The following TSC22D4 variants were observed in gnomAD, a reference collection of about 807,000 sequenced individuals.
TSC22D4 encodes TSC22 domain family protein 4.
A neutral mutation model predicts 24.9 loss-of-function variants in TSC22D4; 5 were observed. The ratio of observed to expected loss-of-function variants is 0.20; its 90% CI spans 0.10 to 0.42. The LOEUF (loss-of-function observed/expected upper bound fraction) is 0.42. Among genes scored for constraint, TSC22D4 ranks in the 10% least tolerant of loss-of-function variants. The pLI, the probability that TSC22D4 is intolerant of heterozygous loss-of-function variation, is 1.00. For synonymous variants in TSC22D4, 245 were observed against 243.2 expected, an observed-to-expected ratio of 1.01 and a Z score of -0.07; for missense variants, 469 against 547.9, an observed-to-expected ratio of 0.86 and a Z score of 1.44.
Position 100,466,888 on chromosome 7 carries a change from A to G in TSC22D4, c.*71T>C. 2 of 1,405,738 alleles carry G rather than the reference A, an allele frequency of 1.4e-6. No individual in the cohort carries two copies. The highest frequency in any genetic ancestry group is 1.4e-5 in the South Asian group (1 of 69,920). 87.1% of individuals were successfully genotyped at this position (1,405,738 alleles called of 1,614,324 possible). ...GGGGACACGGGGACATTAAAGCTGC[A>G]TAGGAAGAGGGGGCAGGCGGCTGAC... On this transcript the variant is annotated 3_prime_UTR_variant, in exon 5 of 5. Coordinates refer to ENST00000300181, the MANE Select transcript of TSC22D4 (RefSeq NM_030935.5).
intron 3 of TSC22D4, among the ~76,000 whole-genome samples, chr7:100,468,964 G>A (rs1383175798): frequency 2.0e-5 from 3 of 148,240 alleles, no homozygotes; most frequent in Non-Finnish European, 3.0e-5. Flanking sequence ...GGTGGCTCAC[G>A]CTTGTAATCC....
At chr7:100,473,310 C>T in intron 3 of TSC22D4, among the ~76,000 whole-genome samples, 1 of 152,132 alleles carries the variant, frequency 6.6e-6, no homozygotes, top group East Asian at 1.9e-4. Flanking sequence ...ATCTTAGGAT[C>T]CTAAAGTAGA....
intron 3 of TSC22D4, among the ~76,000 whole-genome samples, chr7:100,471,764 C>CA (rs960687547): frequency 1.5e-4 from 22 of 150,704 alleles, no homozygotes; most frequent in African/African-American, 2.4e-4. Context: ...AAAAACAAAA[C>CA]AAAAAAAAAC....
At chr7:100,472,181 T>G (rs1584349138) in intron 3 of TSC22D4, among the ~76,000 whole-genome samples, 1 of 151,652 alleles carries the variant, frequency 6.6e-6, no homozygotes, top group Non-Finnish European at 1.5e-5. Context: ...AAGAGAGAGG[T>G]CCCAGGCCAC....
Position 100,466,931 on chromosome 7 carries a change from C to A in TSC22D4, c.*28G>T. ...CGGCTGACGCAAGGCCGGGCAGCCCCAAAGGCACATTGTAAGGGAAGGGAG... is the reference window on the plus strand; with the variant it reads ...CGGCTGACGCAAGGCCGGGCAGCCCAAAAGGCACATTGTAAGGGAAGGGAG... On this transcript the variant is annotated 3_prime_UTR_variant, in exon 5 of 5. Transcript: ENST00000300181. The A allele has an allele frequency of 1.3e-6, 2 of 1,516,524 alleles. No individual in the cohort carries two copies. The highest frequency in any genetic ancestry group is 4.2e-5 in the Admixed American group (2 of 47,068). 93.9% of individuals were successfully genotyped at this position (1,516,524 alleles called of 1,614,324 possible). A position where few individuals can be genotyped will look rare whatever the true frequency, so the allele number is the denominator to read the frequency against.
At chr7:100,468,326 G>C (rs1563179678) in intron 3 of TSC22D4, among the ~76,000 whole-genome samples, 1 of 152,166 alleles carries the variant, frequency 6.6e-6, no homozygotes, top group Non-Finnish European at 1.5e-5. Context: ...GCCTGGGTCT[G>C]AGCGGGGAGT....
chr7:100,471,307 A>G (rs886545294), intron 3 of TSC22D4, among the ~76,000 whole-genome samples: 1 of 152,182 alleles, frequency 6.6e-6, no homozygotes, highest in African/African-American at 2.4e-5. Flanking sequence ...AGGATATTGT[A>G]GACCATTGCC....
Position 100,477,338 on chromosome 7 carries a change from C to T in TSC22D4, c.701G>A (p.Arg234Gln), listed in dbSNP as rs199511828. The part of the protein sequence containing the change: ...GSGARTPPLS[R>Q]RKAVDMRLRM... The stretch of plus-strand genomic sequence containing the variant: ...CAGCCGCATGTCTACAGCTTTCCTC[C>T]GGGACAGTGGAGGGGTCCTGGCCCC... The change falls in exon 2 of 5, where the codon CGG becomes CAG. Residue 234 changes from arginine (R) to glutamine (Q), a missense_variant. Arg to Gln is a conservative substitution (Grantham distance 43). Transcript: ENST00000300181. The surrounding 1 kb of genome is among the most constrained non-coding windows in gnomAD (Gnocchi z 7.8). 1.5e-5 allele frequency: 23 copies of T among 1,550,038 alleles called. No individual in the cohort carries two copies. The highest frequency in any genetic ancestry group is 7.3e-5 in the South Asian group (6 of 82,370).
intron 4 of TSC22D4, 146 bp from the exon 5 acceptor site, chr7:100,467,314 A>T: frequency 2.1e-6 from 2 of 947,166 alleles, no homozygotes. Context: ...AGGACGAGGG[A>T]CAGAGGCAGA....
Position 100,478,119 on chromosome 7 carries a change from G to A in TSC22D4, c.-81C>T. 1 of 1,245,112 alleles carries A rather than the reference G, an allele frequency of 8.0e-7. No homozygotes were observed. Among genetic ancestry groups the A allele is most frequent in the Non-Finnish European group, 1.1e-6 (1 of 911,774 alleles). The allele number at this position is 1,245,112 out of a possible 1,614,324, so 77.1% of individuals were successfully genotyped here. A position where few individuals can be genotyped will look rare whatever the true frequency, so the allele number is the denominator to read the frequency against. ...GGGGCTCAGGCACCCCTGGAACAAG[G>A]GGGCCACATGGCGGGGACATCCGAG... On this transcript the variant is annotated 5_prime_UTR_variant, in exon 2 of 5. Coordinates refer to ENST00000300181, the MANE Select transcript of TSC22D4 (RefSeq NM_030935.5).
Position 100,478,049 on chromosome 7 carries a change from G to A in TSC22D4, c.-11C>T, listed in dbSNP as rs1223225740. On this transcript the variant is annotated 5_prime_UTR_variant, in exon 2 of 5. Coordinates refer to ENST00000300181, the MANE Select transcript of TSC22D4 (RefSeq NM_030935.5). ...CTTGCCCCCGCTCATGGTCCCTGGG[G>A]CTCAGGGCTGGGCCAAGGTTGGGGG... 6.3e-7 allele frequency: 1 copy of A among 1,586,800 alleles called. No individual in the cohort carries two copies. The highest frequency in any genetic ancestry group is 1.2e-5 in the South Asian group (1 of 86,778).
intron 3 of TSC22D4, among the ~76,000 whole-genome samples, chr7:100,469,423 G>GCGA (rs1466494182): frequency 6.6e-6 from 1 of 152,050 alleles, no homozygotes; most frequent in African/African-American, 2.4e-5. Flanking sequence ...CCACCAGAGG[G>GCGA]CGACTCAGGC....
chr7:100,473,236 G>A (rs575474878), intron 3 of TSC22D4, among the ~76,000 whole-genome samples: 14 of 152,174 alleles, frequency 9.2e-5, no homozygotes, highest in African/African-American at 1.4e-4. Flanking sequence ...CCCCTTTGCC[G>A]TTCCTAGCTC....
In TSC22D4 at chr7:100,478,063, C is replaced by T; in HGVS notation, c.-25G>A. On this transcript the variant is annotated 5_prime_UTR_variant, in exon 2 of 5. An upstream open reading frame in the 5' UTR gains an earlier in-frame stop. Transcript: ENST00000300181. ...TGGTCCCTGGGGCTCAGGGCTGGGC[C>T]AAGGTTGGGGGTGGGTTGGGGCTCC... 1.3e-6 allele frequency: 2 copies of T among 1,544,662 alleles called. No homozygotes were observed. Among genetic ancestry groups the T allele is most frequent in the South Asian group, 2.4e-5 (2 of 84,924 alleles).
At position 100,477,204 on chromosome 7, in the gene TSC22D4, G is replaced by T. The variant is rs879520167; in HGVS notation, c.762+73C>A. The T allele has an allele frequency of 5.1e-6, 6 of 1,176,846 alleles. No homozygotes were observed. Among genetic ancestry groups the T allele is most frequent in the Non-Finnish European group, 5.7e-6 (5 of 882,312 alleles). The allele number at this position is 1,176,846 out of a possible 1,614,324, so 72.9% of individuals were successfully genotyped here. ...TGGAGAAGGAGGAGGAGAGGGGGGG[G>T]AGGAGGAGGAAGGAGGCTCAAGATA... On this transcript the variant is annotated intron_variant, in intron 2 of 4. Coordinates refer to ENST00000300181, the MANE Select transcript of TSC22D4 (RefSeq NM_030935.5). This position sits in a 1 kb window ranked among gnomAD's most constrained non-coding sequence, Gnocchi z 7.8.
Position 100,477,268 on chromosome 7 carries a change from AGG to A in TSC22D4, c.762+7_762+8del. On this transcript the variant is annotated splice_region_variant and intron_variant, in intron 2 of 4. Coordinates refer to ENST00000300181, the MANE Select transcript of TSC22D4 (RefSeq NM_030935.5). The surrounding 1 kb of genome is among the most constrained non-coding windows in gnomAD (Gnocchi z 7.8). ...GGCTGATGGGCCAGCCCTAGAACCCAGGTCTTACCTGCCCCATCTCTTCTGGA... is the reference window on the plus strand; with the variant it reads ...GGCTGATGGGCCAGCCCTAGAACCCATCTTACCTGCCCCATCTCTTCTGGA... 2 of 1,488,604 alleles carry A rather than the reference AGG, an allele frequency of 1.3e-6. No homozygotes were observed. The highest frequency in any genetic ancestry group is 1.8e-6 in the Non-Finnish European group (2 of 1,118,078). 92.2% of individuals were successfully genotyped at this position (1,488,604 alleles called of 1,614,324 possible).
In TSC22D4 at chr7:100,477,337, C is replaced by T. The variant is rs770102551; in HGVS notation, c.702G>A (p.Arg234=). 2 of 1,549,728 alleles carry T rather than the reference C, an allele frequency of 1.3e-6. No homozygotes were observed. Among genetic ancestry groups the T allele is most frequent in the African/African-American group, 1.4e-5 (1 of 72,562 alleles). ...GCAGCCGCATGTCTACAGCTTTCCT[C>T]CGGGACAGTGGAGGGGTCCTGGCCC... is the stretch of plus-strand genomic sequence containing the variant. ...GSGARTPPLS[R]RKAVDMRLRM... Residue 234 remains arginine (R), a synonymous_variant, in exon 2 of 5, where the codon CGG becomes CGA. Transcript: ENST00000300181. The surrounding 1 kb of genome is among the most constrained non-coding windows in gnomAD (Gnocchi z 7.8).
intron 3 of TSC22D4, among the ~76,000 whole-genome samples, chr7:100,469,790 G>A (rs1416071948): frequency 6.6e-6 from 1 of 152,186 alleles, no homozygotes; most frequent in Non-Finnish European, 1.5e-5. Flanking sequence ...TTGCTTTCCT[G>A]CAGGGGGATC....
intron 2 of TSC22D4, among the ~76,000 whole-genome samples, chr7:100,476,568 A>T (rs932627082): frequency 3.3e-5 from 5 of 152,290 alleles, no homozygotes; most frequent in African/African-American, 1.2e-4. Flanking sequence ...GAGAAAGAGT[A>T]TGGGACTGAA....
Sources: allele counts gnomAD v4.1 joint callset (sites outside exome capture counted in the v4.1 genomes callset), GRCh38; gene constraint gnomAD v4.1.1; non-coding constraint Gnocchi (gnomAD v3.1); transcripts MANE v1.5; gene names NCBI Gene and HGNC (gene_info 2026-07-23, HGNC 2026-07-21).